MUSK: variants seen among roughly 807,000 people sequenced by gnomAD.
MUSK encodes the protein muscle associated receptor tyrosine kinase.
Under a neutral mutation model 88.7 loss-of-function variants are expected in MUSK, and 55 were observed. The ratio of observed to expected loss-of-function variants is 0.62; its 90% CI spans 0.50 to 0.78. The LOEUF is 0.78. Among genes scored for constraint, MUSK ranks in the 30% least tolerant of loss-of-function variants. The probability of loss-of-function intolerance (pLI) is 0.00; values close to 1 mark genes in which losing one functional copy is unlikely to be tolerated. For synonymous variants in MUSK, 387 were observed against 391.9 expected (o/e 0.99, Z 0.15); for missense variants, 1,015 against 1,074.3 (o/e 0.94, Z 0.77).
At chr9:110,784,563 C>T (rs1412202563) in intron 11 of MUSK, among the ~76,000 whole-genome samples, 1 of 151,656 alleles carries the variant, frequency 6.6e-6, no homozygotes, top group African/African-American at 2.4e-5. Flanking sequence ...TGGCACCAGC[C>T]CAAGATCTAC....
At chr9:110,691,211 C>G (rs146196791) in intron 3 of MUSK, among the ~76,000 whole-genome samples, 236 of 152,112 alleles carry the variant, frequency 1.6e-3, no homozygotes, top group African/African-American at 5.2e-3. Flanking sequence ...GCCTTGTCAC[C>G]CACTGGAAGT....
chr9:110,753,459 AAGAG>A (rs1202827710), intron 7 of MUSK, among the ~76,000 whole-genome samples: 120 of 118,702 alleles, frequency 1.0e-3, no homozygotes, highest in African/African-American at 3.5e-3. Flanking sequence ...AAAAAAAAAA[AAGAG>A]AGAGAGAGAG....
At chr9:110,693,596 A>T (rs1032780782) in intron 3 of MUSK, among the ~76,000 whole-genome samples, 2 of 152,212 alleles carry the variant, frequency 1.3e-5, no homozygotes, top group African/African-American at 4.8e-5. Context: ...ATGTTCCCTT[A>T]CAGTGGGGAT....
chr9:110,675,511 G>A (rs1157768504), intron 1 of MUSK, among the ~76,000 whole-genome samples: 3 of 147,534 alleles, frequency 2.0e-5, no homozygotes, highest in African/African-American at 5.0e-5. Context: ...GTGAGCCACC[G>A]TGCCTGGCCG....
At chr9:110,790,158 T>A (rs989603133) in intron 14 of MUSK, among the ~76,000 whole-genome samples, 3 of 152,224 alleles carry the variant, frequency 2.0e-5, no homozygotes, top group South Asian at 2.1e-4. Flanking sequence ...AAAGTGAGCA[T>A]GTCATATGCA....
chr9:110,744,921 C>T (rs181100420), intron 6 of MUSK, among the ~76,000 whole-genome samples: 3 of 152,264 alleles, frequency 2.0e-5, no homozygotes, highest in South Asian at 4.1e-4. Flanking sequence ...ATCTTTGAAA[C>T]CTGAGGTGCG....
chr9:110,805,459 G>C lies in MUSK; in HGVS notation c.*4471G>C, dbSNP rs1182188541. ...AAAATTGAACATTGTTTAATGTTTTGAGGATACTTGATTGGTGATTTGCCT... is the reference window on the plus strand; with the variant it reads ...AAAATTGAACATTGTTTAATGTTTTCAGGATACTTGATTGGTGATTTGCCT... On this transcript the variant is annotated 3_prime_UTR_variant, in exon 15 of 15. Coordinates refer to ENST00000374448, the MANE Select transcript of MUSK (RefSeq NM_005592.4). Among the ~76,000 whole-genome samples, 3 of 151,824 alleles carry C rather than the reference G, an allele frequency of 2.0e-5. No homozygotes were observed. The highest frequency in any genetic ancestry group is 1.9e-4 in the East Asian group (1 of 5,200).
chr9:110,744,216 C>G (rs913043703), intron 6 of MUSK, among the ~76,000 whole-genome samples: 2 of 152,178 alleles, frequency 1.3e-5, no homozygotes, highest in South Asian at 2.1e-4. Flanking sequence ...ATCTGCCTGC[C>G]TTGGTCTTCC....
intron 3 of MUSK, among the ~76,000 whole-genome samples, chr9:110,689,746 T>TATATAATATATA (rs1587904627): frequency 8.5e-5 from 2 of 23,420 alleles, no homozygotes; most frequent in East Asian, 3.6e-3. Flanking sequence ...TATAATATTA[T>TATATAATATATA]ATATTATATA....
At chr9:110,675,723 C>T (rs1019222459) in intron 1 of MUSK, among the ~76,000 whole-genome samples, 2 of 151,436 alleles carry the variant, frequency 1.3e-5, no homozygotes, top group Admixed American at 6.6e-5. Flanking sequence ...GCCTGCACCA[C>T]CACACCCAGC....
chr9:110,781,146 A>C (rs1588032443), intron 11 of MUSK, among the ~76,000 whole-genome samples: 2 of 152,338 alleles, frequency 1.3e-5, no homozygotes, highest in Middle Eastern at 3.4e-3. Flanking sequence ...ACATCTGCTT[A>C]GTTCAGATCT....
chr9:110,691,009 C>T (rs1316069735), intron 3 of MUSK, among the ~76,000 whole-genome samples: 1 of 151,328 alleles, frequency 6.6e-6, no homozygotes, highest in Non-Finnish European at 1.5e-5. Flanking sequence ...AGATTACAGG[C>T]ATGTGCCACC....
chr9:110,701,693 T>C (rs1342737146), intron 5 of MUSK, among the ~76,000 whole-genome samples: 2 of 34 alleles, frequency 0.059, no homozygotes, highest in Admixed American at 0.25. Context: ...TACTTTACTT[T>C]ATTTTATTTT....
intron 3 of MUSK, among the ~76,000 whole-genome samples, chr9:110,693,743 G>T (rs1257171939): frequency 1.3e-5 from 2 of 152,136 alleles, no homozygotes; most frequent in Non-Finnish European, 2.9e-5. Context: ...TTTGCTTTAA[G>T]CAAAGGTCTT....
intron 6 of MUSK, among the ~76,000 whole-genome samples, chr9:110,739,657 G>A (rs1200783326): frequency 6.6e-6 from 1 of 152,164 alleles, no homozygotes; most frequent in African/African-American, 2.4e-5. Context: ...TTTGGAATGT[G>A]TAGGGTTTGA....
chr9:110,761,831 T>C lies in MUSK; in HGVS notation c.914-371T>C, dbSNP rs10980561. ...CCTCATGATCCGCCCACCTCGGCCT[T>C]CCAAAGTGCTGGGATTACAGGCGTG... is the stretch of plus-strand genomic sequence containing the variant. On this transcript the variant is annotated intron_variant, in intron 7 of 14. Coordinates refer to ENST00000374448, the MANE Select transcript of MUSK (RefSeq NM_005592.4). 309,094 of 686,700 alleles carry C rather than the reference T, an allele frequency of 0.45. 71,515 individuals carry two copies. Among genetic ancestry groups the C allele is most frequent in the Middle Eastern group, 0.49 (668 of 1,370 alleles). 42.5% of individuals were successfully genotyped at this position (686,700 alleles called of 1,614,324 possible). A position where few individuals can be genotyped will look rare whatever the true frequency, so the allele number is the denominator to read the frequency against.
chr9:110,785,216 A>C (rs1232890481), intron 12 of MUSK, among the ~76,000 whole-genome samples, 200 bp downstream of exon 12: 2 of 152,198 alleles, frequency 1.3e-5, no homozygotes, highest in Non-Finnish European at 2.9e-5. Context: ...CAAATGCCCT[A>C]GGGTTACTGT....
rs1245918162 is a variant in MUSK at position 110,668,856 on chromosome 9, C to T, written c.-49C>T. 3.4e-6 allele frequency: 5 copies of T among 1,451,506 alleles called. No individual in the cohort carries two copies. The highest frequency in any genetic ancestry group is 2.9e-6 in the Non-Finnish European group (3 of 1,032,664). The allele number at this position is 1,451,506 out of a possible 1,614,324, so 89.9% of individuals were successfully genotyped here. On this transcript the variant is annotated 5_prime_UTR_variant, in exon 1 of 15. Transcript: ENST00000374448. ...AAAATGTAAACTGTGGAGCCATTTTCCTTGCGTTGTCCAGAAGGAACTTCG... is the reference window on the plus strand; with the variant it reads ...AAAATGTAAACTGTGGAGCCATTTTTCTTGCGTTGTCCAGAAGGAACTTCG...
chr9:110,770,460 CAT>C (rs1178520498), intron 9 of MUSK, among the ~76,000 whole-genome samples: 8 of 144,288 alleles, frequency 5.5e-5, no homozygotes, highest in East Asian at 4.0e-4. Flanking sequence ...AATTATATAA[CAT>C]ATAATTAATA....
Sources: gnomAD v4.1 joint callset for allele counts (sites outside exome capture counted in the v4.1 genomes callset) on GRCh38, gnomAD v4.1.1 for gene constraint, MANE v1.5 for transcripts, NCBI Gene and HGNC (gene_info 2026-07-23, HGNC 2026-07-21) for gene names.